SRPK1: variants seen among roughly 807,000 people sequenced by gnomAD.
The protein encoded by SRPK1 is SRSF protein kinase 1.
Under a neutral mutation model 89.5 loss-of-function variants are expected in SRPK1, and 52 were observed. The ratio of observed to expected loss-of-function variants is 0.58; its 90% CI spans 0.46 to 0.73. SRPK1 has a LOEUF of 0.73. SRPK1 is among the 30% of genes least tolerant of loss of function. The pLI is 0.00. For synonymous variants in SRPK1, 255 were observed against 270.2 expected, an observed-to-expected ratio of 0.94 and a Z score of 0.55; for missense variants, 603 against 780.6, an observed-to-expected ratio of 0.77 and a Z score of 2.71.
chr6:35,893,285 G>C (rs546393530), intron 2 of SRPK1, among the ~76,000 whole-genome samples: 11 of 152,300 alleles, frequency 7.2e-5, no homozygotes, highest in Admixed American at 5.2e-4. Context: ...AAAAGTTCAA[G>C]ACCAGCCTGG....
intron 2 of SRPK1, among the ~76,000 whole-genome samples, chr6:35,906,193 A>G (rs1443961374): frequency 2.0e-5 from 3 of 151,062 alleles, no homozygotes; most frequent in African/African-American, 7.2e-5. Context: ...ACAAGCAATA[A>G]AAATAACCAC....
At chr6:35,866,478 G>A (rs1769907598) in intron 12 of SRPK1, among the ~76,000 whole-genome samples, 5 of 152,090 alleles carry the variant, frequency 3.3e-5, no homozygotes, top group South Asian at 2.1e-4. Flanking sequence ...CCAGCTACGC[G>A]GGAAGGGTGA....
At chr6:35,882,161 T>TAGTAGTAGG (rs1480474645) in intron 6 of SRPK1, among the ~76,000 whole-genome samples, 1 of 118,392 alleles carries the variant, frequency 8.4e-6, no homozygotes, top group African/African-American at 3.0e-5. Context: ...GTAGTAGTAG[T>TAGTAGTAGG]AGCAGCAGCA....
intron 13 of SRPK1, among the ~76,000 whole-genome samples, chr6:35,855,324 C>T (rs570561135): frequency 6.6e-5 from 10 of 151,660 alleles, no homozygotes; most frequent in South Asian, 6.3e-4. Context: ...CAAACAAAAA[C>T]CCAATAATAT....
chr6:35,891,496 G>T (rs564900073), intron 2 of SRPK1, among the ~76,000 whole-genome samples: 10 of 152,070 alleles, frequency 6.6e-5, no homozygotes, highest in African/African-American at 9.7e-5. Flanking sequence ...GAGGTGGGTG[G>T]ATCACCTGAG....
chr6:35,889,653 G>A (rs1171493085), intron 3 of SRPK1, among the ~76,000 whole-genome samples: 1 of 152,062 alleles, frequency 6.6e-6, no homozygotes, highest in Non-Finnish European at 1.5e-5. Context: ...GTGTCATGGT[G>A]CATGCCTGTA....
At chr6:35,902,486 T>A (rs1484788885) in intron 2 of SRPK1, among the ~76,000 whole-genome samples, 1 of 152,048 alleles carries the variant, frequency 6.6e-6, no homozygotes, top group African/African-American at 2.4e-5. Flanking sequence ...TAAACCCATC[T>A]AAGGTAAAGA....
intron 12 of SRPK1, 31 bp downstream of exon 12, chr6:35,868,979 T>C (rs747467918): frequency 1.2e-5 from 19 of 1,585,932 alleles, no homozygotes; most frequent in Non-Finnish European, 1.6e-5. Context: ...CCCAGTCACT[T>C]CAAAACACCA....
intron 2 of SRPK1, among the ~76,000 whole-genome samples, chr6:35,917,408 G>A (rs1234988049): frequency 1.3e-5 from 2 of 152,110 alleles, no homozygotes; most frequent in South Asian, 2.1e-4. Context: ...ATTTTCTAGG[G>A]GAGTAATCTG....
rs918484049 is a variant in SRPK1 at position 35,833,423 on chromosome 6, T to C, written c.*1881A>G. 7 of 152,482 alleles carry C rather than the reference T, an allele frequency of 4.6e-5. No individual in the cohort carries two copies. Among genetic ancestry groups the C allele is most frequent in the African/African-American group, 1.7e-4 (7 of 41,464 alleles). The allele number at this position is 152,482 out of a possible 1,614,324, so 9.4% of individuals were successfully genotyped here. A position where few individuals can be genotyped will look rare whatever the true frequency, so the allele number is the denominator to read the frequency against. On this transcript the variant is annotated 3_prime_UTR_variant, in exon 16 of 16. Transcript: ENST00000373825. The stretch of plus-strand genomic sequence containing the variant: ...TTAATATCACCAGAATTCCTGTAAT[T>C]CCACAATTGTGATTTTACTATGTAG...
rs375172343 is a variant in SRPK1 at position 35,837,048 on chromosome 6, G to C, written c.1783+1289C>G. Among the ~76,000 whole-genome samples the C allele has an allele frequency of 6.6e-5, 10 of 152,246 alleles. No homozygotes were observed. In the East Asian group the frequency reaches 9.6e-4, roughly 15 times the overall value. On this transcript the variant is annotated intron_variant, in intron 15 of 15. Transcript: ENST00000373825. ...GGAAAAAGGGAACCATGGCACAATG[G>C]GGGTAGAAAAACCAGACCATTTCCT...
intron 2 of SRPK1, among the ~76,000 whole-genome samples, chr6:35,910,896 C>G (rs1484587124): frequency 6.6e-6 from 1 of 152,198 alleles, no homozygotes; most frequent in Non-Finnish European, 1.5e-5. Context: ...CTATTGAGAC[C>G]TTCTGCTCAG....
At position 35,872,717 on chromosome 6, in the gene SRPK1, A is replaced by G. The variant is rs1770059629; in HGVS notation, c.597T>C (p.Gly199=). ...GGCACTTGGTATGTAAATAATCAAG[A>G]CCCTGTAACACCTGAATGGAAATAG... ...VKKIIQQVLQ[G]LDYLHTKCRI... The change falls in exon 8 of 16, where the codon GGT becomes GGC. Residue 199 remains glycine (G), a synonymous_variant. Coordinates refer to ENST00000373825, the MANE Select transcript of SRPK1 (RefSeq NM_003137.5). 2 of 1,603,160 alleles carry G rather than the reference A, an allele frequency of 1.2e-6. No homozygotes were observed. Among genetic ancestry groups the G allele is most frequent in the Non-Finnish European group, 8.5e-7 (1 of 1,175,536 alleles).
rs145934756 is a variant in SRPK1 at position 35,844,300 on chromosome 6, G to A, written c.1621-1696C>T. Among the ~76,000 whole-genome samples, 38 of 152,212 alleles carry A rather than the reference G, an allele frequency of 2.5e-4. No individual in the cohort carries two copies. The East Asian group carries it at 5.4e-3, about 22-fold the overall frequency. ...TCACAGGTGTGAGCCACCACGCCTGGCCAACAGCAGTTTTAAAAAATGACC... is the reference window on the plus strand; with the variant it reads ...TCACAGGTGTGAGCCACCACGCCTGACCAACAGCAGTTTTAAAAAATGACC... On this transcript the variant is annotated intron_variant, in intron 13 of 15. Transcript: ENST00000373825.
At chr6:35,862,839 A>G (rs751562175) in intron 12 of SRPK1, among the ~76,000 whole-genome samples, 3 of 152,134 alleles carry the variant, frequency 2.0e-5, no homozygotes, top group South Asian at 2.1e-4. Context: ...AACAACAACA[A>G]CAACAACAAA....
rs768555971 is a variant in SRPK1 at position 35,869,920 on chromosome 6, A to G, written c.992-19T>C. 7.2e-6 allele frequency: 11 copies of G among 1,528,840 alleles called. No homozygotes were observed. 94.7% of individuals were successfully genotyped at this position (1,528,840 alleles called of 1,614,324 possible). On this transcript the variant is annotated intron_variant, in intron 10 of 15. Transcript: ENST00000373825. ...GACTCTTCTAAGGAACAAACGAACA[A>G]AAAAAGATATATGCATATGTGTGTG...
intron 3 of SRPK1, among the ~76,000 whole-genome samples, chr6:35,889,461 A>T (rs1326975921): frequency 6.6e-6 from 1 of 151,918 alleles, no homozygotes; most frequent in Non-Finnish European, 1.5e-5. Context: ...CAGCCTGGCC[A>T]ACATAGTGAA....
chr6:35,867,837 A>G (rs1399859798), intron 12 of SRPK1, among the ~76,000 whole-genome samples: 1 of 152,102 alleles, frequency 6.6e-6, no homozygotes, highest in Non-Finnish European at 1.5e-5. Context: ...ACCTTAAAAC[A>G]CTTTATTAGA....
intron 2 of SRPK1, among the ~76,000 whole-genome samples, chr6:35,897,391 C>T (rs73729619): frequency 0.02 from 3,012 of 152,220 alleles, 102 homozygotes; most frequent in African/African-American, 0.068. Flanking sequence ...GAGATGTGCA[C>T]GTCTATCCAA....
Sources: gnomAD v4.1 joint callset for allele counts (sites outside exome capture counted in the v4.1 genomes callset) on GRCh38, gnomAD v4.1.1 for gene constraint, MANE v1.5 for transcripts, NCBI Gene and HGNC (gene_info 2026-07-23, HGNC 2026-07-21) for gene names.